Variants in SCAPER observed in about 807,000 individuals in gnomAD.
SCAPER encodes the protein S-phase cyclin A associated protein in the ER, also known as S phase cyclin A-associated protein in the endoplasmic reticulum.
In SCAPER, 98 loss-of-function variants were observed where a neutral mutation model predicts 182.2. The observed-to-expected ratio is 0.54, with a 90% CI of 0.46 to 0.64. The LOEUF (loss-of-function observed/expected upper bound fraction) is 0.64, where lower values mean the gene tolerates loss of function less well. Among genes scored for constraint, SCAPER ranks in the 30% least tolerant of loss-of-function variants. The pLI, the probability that SCAPER is intolerant of heterozygous loss-of-function variation, is 0.00. For missense variants in SCAPER, 1,432 were observed against 1,690.0 expected, an observed-to-expected ratio of 0.85 and a Z score of 2.68; for synonymous variants, 605 against 564.6, an observed-to-expected ratio of 1.07 and a Z score of -1.01.
chr15:76,532,859 T>C (rs987003934), intron 23 of SCAPER, among the ~76,000 whole-genome samples: 2 of 151,910 alleles, frequency 1.3e-5, no homozygotes, highest in African/African-American at 4.8e-5. Flanking sequence ...GAAGTGAGAG[T>C]AACAGCAAGG....
At chr15:76,637,319 C>A (rs1230402418) in intron 21 of SCAPER, among the ~76,000 whole-genome samples, 1 of 152,162 alleles carries the variant, frequency 6.6e-6, no homozygotes, top group African/African-American at 2.4e-5. Flanking sequence ...TTTTGAGGAA[C>A]TGCCAAACTG....
intron 26 of SCAPER, among the ~76,000 whole-genome samples, chr15:76,415,024 T>C (rs561185244): frequency 6.6e-6 from 1 of 152,314 alleles, no homozygotes; most frequent in African/African-American, 2.4e-5. Flanking sequence ...TCCAGACTCA[T>C]ACAATGACTG....
At chr15:76,433,717 A>G (rs2047011401) in intron 26 of SCAPER, among the ~76,000 whole-genome samples, 1 of 152,204 alleles carries the variant, frequency 6.6e-6, no homozygotes, top group South Asian at 2.1e-4. Context: ...TCTCTCTACA[A>G]AACTGTTTTA....
At position 76,395,415 on chromosome 15, in the gene SCAPER, A is replaced by C. The variant is rs576969364; in HGVS notation, c.3467+9109T>G. On this transcript the variant is annotated intron_variant, in intron 27 of 31. Transcript: ENST00000563290. ...TAGCTCTATTTTTAGTTTTTGTAGG[A>C]ATTTCCAAACTGTTCTCCATAGTGG... 2.4e-4 allele frequency among the ~76,000 whole-genome samples: 37 copies of C among 152,268 alleles called. No homozygotes were observed. In the South Asian group the frequency reaches 6.2e-3, roughly 26 times the overall value.
intron 9 of SCAPER, 30 bp from the exon 10 acceptor site, chr15:76,771,984 TA>T: frequency 6.6e-7 from 1 of 1,523,614 alleles, no homozygotes; most frequent in Non-Finnish European, 9.0e-7. Flanking sequence ...GAATCAGAGA[TA>T]ATTAAAAAAT....
chr15:76,718,215 T>C lies in SCAPER; in HGVS notation c.2165+10380A>G, dbSNP rs116410572. 3.8e-3 allele frequency among the ~76,000 whole-genome samples: 573 copies of C among 152,174 alleles called. 5 individuals carry two copies. Among genetic ancestry groups the C allele is most frequent in the African/African-American group, 0.013 (545 of 41,530 alleles). ...AAATCAAAAAGGAAATTAAAAAATA[T>C]CTTGGGACAAACAACAATAGAAACG... is the stretch of plus-strand genomic sequence containing the variant. On this transcript the variant is annotated intron_variant, in intron 17 of 31. Coordinates refer to ENST00000563290, the MANE Select transcript of SCAPER (RefSeq NM_020843.4).
intron 20 of SCAPER, among the ~76,000 whole-genome samples, chr15:76,669,724 G>A (rs765630943): frequency 1.5e-4 from 23 of 152,106 alleles, no homozygotes; most frequent in Non-Finnish European, 2.6e-4. Flanking sequence ...TCAAAACCAC[G>A]ACTGGCTGAC....
chr15:76,468,907 G>A (rs1339096936), intron 25 of SCAPER, among the ~76,000 whole-genome samples: 1 of 152,062 alleles, frequency 6.6e-6, no homozygotes, highest in Non-Finnish European at 1.5e-5. Flanking sequence ...TCACCATCTG[G>A]GGATAAAGTG....
intron 24 of SCAPER, among the ~76,000 whole-genome samples, chr15:76,492,871 T>TG (rs2052460126): frequency 6.6e-6 from 1 of 150,796 alleles, no homozygotes; most frequent in Admixed American, 6.6e-5. Context: ...TGAGAGTGTT[T>TG]TTTTTTTTTT....
In SCAPER at chr15:76,505,002, C is replaced by T. The variant is rs1403070419; in HGVS notation, c.2839-28G>A. On this transcript the variant is annotated intron_variant, in intron 23 of 31. Coordinates refer to ENST00000563290, the MANE Select transcript of SCAPER (RefSeq NM_020843.4). ...AGACAGAAATACAAACAGAAGTTAGCCCAATTTCCCAGGCATTAAACTATA... is the reference window on the plus strand; with the variant it reads ...AGACAGAAATACAAACAGAAGTTAGTCCAATTTCCCAGGCATTAAACTATA... 4 of 1,557,168 alleles carry T rather than the reference C, an allele frequency of 2.6e-6. No individual in the cohort carries two copies. In the South Asian group the frequency reaches 4.6e-5, roughly 18 times the overall value.
At chr15:76,714,158 G>A (rs2059752143) in intron 17 of SCAPER, among the ~76,000 whole-genome samples, 1 of 152,156 alleles carries the variant, frequency 6.6e-6, no homozygotes, top group African/African-American at 2.4e-5. Context: ...CAGTGGCTGT[G>A]TTGGGCTGAG....
At chr15:76,857,131 T>C (rs1360532778) in intron 4 of SCAPER, among the ~76,000 whole-genome samples, 1 of 152,022 alleles carries the variant, frequency 6.6e-6, no homozygotes, top group African/African-American at 2.4e-5. Context: ...GAGCATAAAC[T>C]GTGGAAATTA....
chr15:76,465,259 G>A (rs1016105610), intron 25 of SCAPER, among the ~76,000 whole-genome samples: 3 of 152,102 alleles, frequency 2.0e-5, no homozygotes, highest in African/African-American at 4.8e-5. Flanking sequence ...GTGCTTTCTG[G>A]TTCATAGAAG....
intron 17 of SCAPER, among the ~76,000 whole-genome samples, chr15:76,721,834 G>C (rs1486133588): frequency 6.6e-6 from 1 of 152,122 alleles, no homozygotes; most frequent in African/African-American, 2.4e-5. Context: ...GGGCTGAGAC[G>C]ATGGGGTTTT....
At chr15:76,807,991 A>G (rs538395862) in intron 5 of SCAPER, among the ~76,000 whole-genome samples, 1 of 152,238 alleles carries the variant, frequency 6.6e-6, no homozygotes, top group East Asian at 1.9e-4. Context: ...ATGATTCCCA[A>G]CAGAATTTTA....
chr15:76,560,943 T>C (rs1293117887), intron 23 of SCAPER, among the ~76,000 whole-genome samples: 1 of 152,196 alleles, frequency 6.6e-6, no homozygotes, highest in Non-Finnish European at 1.5e-5. Flanking sequence ...GTATCTGTCA[T>C]GGAGTCTACT....
intron 23 of SCAPER, among the ~76,000 whole-genome samples, chr15:76,572,879 G>A (rs1168283203): frequency 6.8e-6 from 1 of 146,268 alleles, no homozygotes; most frequent in African/African-American, 2.5e-5. Context: ...GTTTGCCCAT[G>A]CTTGCGTGCA....
rs574347253 is a variant in SCAPER at position 76,550,692 on chromosome 15, T to C, written c.2838+23466A>G. 2.6e-5 allele frequency among the ~76,000 whole-genome samples: 4 copies of C among 152,360 alleles called. No individual in the cohort carries two copies. The East Asian group carries it at 7.7e-4, about 29-fold the overall frequency. ...ATCTTTGTAACAGAATGATTCATAT[T>C]CCTTTGGTTATATTCCCAGTAATGG... On this transcript the variant is annotated intron_variant, in intron 23 of 31. Transcript: ENST00000563290.
intron 27 of SCAPER, among the ~76,000 whole-genome samples, chr15:76,394,469 G>A (rs1232601613): frequency 6.6e-6 from 1 of 152,194 alleles, no homozygotes; most frequent in East Asian, 1.9e-4. Flanking sequence ...GAGGTTTGGA[G>A]CTTGATGCCT....
Sources: allele counts gnomAD v4.1 joint callset (sites outside exome capture counted in the v4.1 genomes callset), GRCh38; gene constraint gnomAD v4.1.1; transcripts MANE v1.5; gene names NCBI Gene and HGNC (gene_info 2026-07-23, HGNC 2026-07-21).